Variants in RXFP1 observed in about 807,000 individuals in gnomAD.
RXFP1 encodes relaxin family peptide receptor 1.
RXFP1 carries 73 observed loss-of-function variants against 89.8 expected under a neutral mutation model. That is an observed-to-expected ratio of 0.81 (90% CI 0.67 to 0.99). The LOEUF (loss-of-function observed/expected upper bound fraction) is 0.99, where lower values mean the gene tolerates loss of function less well. Ranked by LOEUF, RXFP1 falls within the 50% of genes least tolerant of loss-of-function variation. The pLI is 0.00. For missense variants in RXFP1, 793 were observed against 895.5 expected (o/e 0.89, Z 1.46); for synonymous variants, 277 against 305.5 (o/e 0.91, Z 0.97).
At chr4:158,635,801 A>G (rs914307794) in intron 12 of RXFP1, among the ~76,000 whole-genome samples, 15 of 151,146 alleles carry the variant, frequency 9.9e-5, no homozygotes, top group Non-Finnish European at 1.6e-4. Flanking sequence ...TCCATCCCCC[A>G]TGTAACTTAT....
chr4:158,547,252 A>G (rs962665393), intron 1 of RXFP1, among the ~76,000 whole-genome samples: 2 of 152,096 alleles, frequency 1.3e-5, no homozygotes, highest in Non-Finnish European at 2.9e-5. Flanking sequence ...TGTTTGTAGT[A>G]TTCTCTGATG....
chr4:158,616,433 C>T (rs956664002), intron 8 of RXFP1, among the ~76,000 whole-genome samples: 9 of 150,416 alleles, frequency 6.0e-5, no homozygotes, highest in South Asian at 4.2e-4. Context: ...CTGTCTCAAA[C>T]GAAATAAATA....
intron 5 of RXFP1, 97 bp from the exon 6 acceptor site, chr4:158,607,875 T>C: frequency 2.7e-6 from 2 of 745,612 alleles, no homozygotes; most frequent in Non-Finnish European, 4.4e-6. Flanking sequence ...CATATTGCTA[T>C]GCTACCATCA....
At chr4:158,650,151 A>G (rs1198457629) in intron 17 of RXFP1, among the ~76,000 whole-genome samples, 25 of 152,202 alleles carry the variant, frequency 1.6e-4, no homozygotes, top group Non-Finnish European at 7.3e-5. Context: ...AAGGACAAAT[A>G]TTTTATTTCA....
intron 17 of RXFP1, 151 bp downstream of exon 17, chr4:158,648,868 T>C: frequency 1.7e-6 from 1 of 583,634 alleles, no homozygotes; most frequent in Non-Finnish European, 2.9e-6. Flanking sequence ...ATCCCAGCAC[T>C]CTGGGAGGCC....
chr4:158,528,462 T>C (rs1024192645), intron 1 of RXFP1, among the ~76,000 whole-genome samples: 2 of 151,984 alleles, frequency 1.3e-5, no homozygotes, highest in Non-Finnish European at 2.9e-5. Context: ...GCCAAGATGG[T>C]GCACTGCACT....
Position 158,529,462 on chromosome 4 carries a change from G to A in RXFP1, c.49+7437G>A, listed in dbSNP as rs560620951. ...TTTGTAGAGATGGGAGTTTCACCAT[G>A]TTGCCCAGACTGGTCTCGAACTCCT... On this transcript the variant is annotated intron_variant, in intron 1 of 17. Transcript: ENST00000307765. 5.9e-5 allele frequency among the ~76,000 whole-genome samples: 9 copies of A among 152,022 alleles called. No homozygotes were observed. In the South Asian group the frequency reaches 6.2e-4, roughly 11 times the overall value.
intron 14 of RXFP1, among the ~76,000 whole-genome samples, chr4:158,641,252 C>A (rs1043805658): frequency 1.3e-5 from 2 of 152,082 alleles, no homozygotes; most frequent in Non-Finnish European, 1.5e-5. Context: ...TAATTTATAG[C>A]CTCTGGAATT....
chr4:158,644,634 A>C (rs1025579194), intron 14 of RXFP1, among the ~76,000 whole-genome samples: 9 of 152,174 alleles, frequency 5.9e-5, no homozygotes, highest in African/African-American at 2.2e-4. Context: ...CATTCTCTTG[A>C]TCACATCTAA....
Position 158,521,981 on chromosome 4 carries a change from C to T in RXFP1, c.5C>T (p.Thr2Ile). 1 of 1,608,668 alleles carries T rather than the reference C, an allele frequency of 6.2e-7. No homozygotes were observed. The highest frequency in any genetic ancestry group is 8.5e-7 in the Non-Finnish European group (1 of 1,176,516). M[T>I]SGSVFFYILI... Reference sequence around the variant, plus strand: ...CAGTTGCTCAGATAGAAGGAAATGACATCTGGTTCTGTCTTCTTCTACATC... The same window carrying T: ...CAGTTGCTCAGATAGAAGGAAATGATATCTGGTTCTGTCTTCTTCTACATC... The change falls in exon 1 of 18, where the codon ACA becomes ATA. Residue 2 changes from threonine to isoleucine, a missense_variant. Coordinates refer to ENST00000307765, the MANE Select transcript of RXFP1 (RefSeq NM_021634.4).
At chr4:158,595,986 C>T (rs145314553) in intron 3 of RXFP1, among the ~76,000 whole-genome samples, 2 of 113,020 alleles carry the variant, frequency 1.8e-5, no homozygotes, top group Non-Finnish European at 4.0e-5. Context: ...CCAATCTCTC[C>T]AAAAAAAAAA....
intron 10 of RXFP1, among the ~76,000 whole-genome samples, chr4:158,627,255 A>AT (rs1282014951): frequency 6.6e-6 from 1 of 152,122 alleles, no homozygotes. Context: ...TTCACATGGT[A>AT]TTTTCTGTTA....
intron 1 of RXFP1, among the ~76,000 whole-genome samples, chr4:158,548,508 T>G (rs1474160389): frequency 6.6e-6 from 1 of 152,230 alleles, no homozygotes; most frequent in Non-Finnish European, 1.5e-5. Flanking sequence ...GTTAGCTGGT[T>G]ATTTTGCTCG....
intron 6 of RXFP1, among the ~76,000 whole-genome samples, chr4:158,608,275 C>CTTT (rs1762890068): frequency 3.5e-5 from 4 of 114,002 alleles, no homozygotes; most frequent in Non-Finnish European, 5.1e-5. Context: ...ATTTGTATTC[C>CTTT]TTTCTTTTTT....
chr4:158,631,169 A>G (rs770758198), intron 11 of RXFP1, among the ~76,000 whole-genome samples: 3 of 152,214 alleles, frequency 2.0e-5, no homozygotes, highest in Non-Finnish European at 4.4e-5. Flanking sequence ...ATTTGCTCTG[A>G]TAACAAAACC....
chr4:158,595,609 G>A (rs28630368), intron 3 of RXFP1, among the ~76,000 whole-genome samples: 6,085 of 152,142 alleles, frequency 0.04, 376 homozygotes, highest in African/African-American at 0.14. Flanking sequence ...AAAAAGCAAG[G>A]CATAGAGGAA....
upstream of RXFP1, chr4:158,521,852 G>A (rs1741250533): frequency 1.7e-6 from 1 of 583,180 alleles, no homozygotes; most frequent in Non-Finnish European, 3.1e-6. Flanking sequence ...AAGGAGGGAG[G>A]ACTGCTTTGT....
chr4:158,551,397 A>T (rs1310070326), intron 1 of RXFP1, among the ~76,000 whole-genome samples: 2 of 152,242 alleles, frequency 1.3e-5, no homozygotes, highest in African/African-American at 2.4e-5. Context: ...GAAACAAATA[A>T]GAATTAAAAA....
At chr4:158,649,551 C>T (rs548011960) in intron 17 of RXFP1, among the ~76,000 whole-genome samples, 19 of 152,104 alleles carry the variant, frequency 1.2e-4, no homozygotes, top group African/African-American at 4.6e-4. Flanking sequence ...TTCAAAGCTG[C>T]AGTGAGCCAT....
Sources: allele counts gnomAD v4.1 joint callset (sites outside exome capture counted in the v4.1 genomes callset), GRCh38; gene constraint gnomAD v4.1.1; transcripts MANE v1.5; gene names NCBI Gene and HGNC (gene_info 2026-07-23, HGNC 2026-07-21).